Variants in TRIM24 observed in about 807,000 individuals in gnomAD.
TRIM24 encodes tripartite motif containing 24.
A neutral mutation model predicts 123.9 loss-of-function variants in TRIM24; 29 were observed. That is an observed-to-expected ratio of 0.23 (90% confidence interval 0.17 to 0.32). The LOEUF (loss-of-function observed/expected upper bound fraction) is 0.32, where lower values mean the gene tolerates loss of function less well. Among genes scored for constraint, TRIM24 ranks in the 10% least tolerant of loss-of-function variants. TRIM24 has a pLI of 1.00. For missense variants in TRIM24, 932 were observed against 1,295.3 expected, an observed-to-expected ratio of 0.72 and a Z score of 4.31; for synonymous variants, 456 against 461.1, an observed-to-expected ratio of 0.99 and a Z score of 0.14.
intron 5 of TRIM24, 54 bp downstream of exon 5, chr7:138,525,411 C>A: frequency 9.7e-7 from 1 of 1,026,302 alleles, no homozygotes; most frequent in Non-Finnish European, 1.4e-6. Context: ...AGTATATTCA[C>A]TTTTAGAACA....
Position 138,584,961 on chromosome 7 carries a change from C to T in TRIM24, c.*10C>T. On this transcript the variant is annotated 3_prime_UTR_variant, in exon 19 of 19. Transcript: ENST00000343526. ...CCAGTTGCTTAAATAATATGCAGCA[C>T]CACTAGCTTGTGCTGGTTTTTAGAT... 3 of 1,581,850 alleles carry T rather than the reference C, an allele frequency of 1.9e-6. No individual in the cohort carries two copies. Among genetic ancestry groups the T allele is most frequent in the Non-Finnish European group, 1.7e-6 (2 of 1,169,432 alleles).
chr7:138,494,498 T>C (rs1490061796), intron 1 of TRIM24, among the ~76,000 whole-genome samples: 1 of 151,788 alleles, frequency 6.6e-6, no homozygotes, highest in African/African-American at 2.4e-5. Context: ...CTTTGGGAGG[T>C]TGAGGCAGGA....
chr7:138,533,515 A>G (rs1423352790), intron 6 of TRIM24, among the ~76,000 whole-genome samples: 1 of 152,170 alleles, frequency 6.6e-6, no homozygotes, highest in Non-Finnish European at 1.5e-5. Context: ...GCTGGATTAC[A>G]TTTATTGATT....
chr7:138,544,669 A>G (rs754569794), intron 7 of TRIM24, among the ~76,000 whole-genome samples: 34 of 152,178 alleles, frequency 2.2e-4, no homozygotes, highest in Non-Finnish European at 4.6e-4. Context: ...ACCCTGGCCA[A>G]CACTTGTCTT....
chr7:138,551,547 G>A (rs1336290933), intron 8 of TRIM24, among the ~76,000 whole-genome samples: 4 of 152,126 alleles, frequency 2.6e-5, no homozygotes, highest in South Asian at 4.1e-4. Flanking sequence ...TTTCATTAAC[G>A]TATGTATATG....
intron 1 of TRIM24, among the ~76,000 whole-genome samples, chr7:138,484,159 G>C (rs1183622696): frequency 1.3e-5 from 2 of 151,766 alleles, no homozygotes. Flanking sequence ...GCCCAGGCTG[G>C]AGTGCAATGG....
At chr7:138,521,495 G>T (rs2116568881) in intron 4 of TRIM24, among the ~76,000 whole-genome samples, 1 of 152,240 alleles carries the variant, frequency 6.6e-6, no homozygotes, top group South Asian at 2.1e-4. Flanking sequence ...GAGTTGTGGG[G>T]ATGTGGAATA....
chr7:138,538,161 T>C (rs28694658), intron 6 of TRIM24, among the ~76,000 whole-genome samples: 2,792 of 152,320 alleles, frequency 0.018, 71 homozygotes, highest in African/African-American at 0.061. Flanking sequence ...TTAAGAAAAT[T>C]ACCACATACA....
At chr7:138,492,273 C>CAAAAAAAAAAAAA (rs34380067) in intron 1 of TRIM24, among the ~76,000 whole-genome samples, 5 of 60,004 alleles carry the variant, frequency 8.3e-5, no homozygotes, top group African/African-American at 3.8e-4. Flanking sequence ...ACTCTGTCTC[C>CAAAAAAAAAAAAA]AAAAAAAAAA....
chr7:138,538,520 G>A (rs62485260), intron 6 of TRIM24, 137 bp from the exon 7 acceptor site: 1 of 995,178 alleles, frequency 1.0e-6, no homozygotes, highest in Non-Finnish European at 1.5e-6. Flanking sequence ...ATACTAATAG[G>A]GAAAACAGAG....
In TRIM24 at chr7:138,468,573, G is replaced by A. The variant is rs369939596; in HGVS notation, c.364+7661G>A. Among the ~76,000 whole-genome samples, 18 of 151,806 alleles carry A rather than the reference G, an allele frequency of 1.2e-4. 1 individual carries two copies. The East Asian group carries it at 3.1e-3, about 26-fold the overall frequency. ...ATAGTTGTCTTACTTTTTTATCCCA[G>A]CTTTTAATTTTTGCTTTTGTTTAAT... On this transcript the variant is annotated intron_variant, in intron 1 of 18. Transcript: ENST00000343526.
intron 17 of TRIM24, among the ~76,000 whole-genome samples, chr7:138,583,134 A>C (rs1286960823): frequency 6.6e-6 from 1 of 152,240 alleles, no homozygotes; most frequent in Admixed American, 6.5e-5. Flanking sequence ...ACCCAGGACC[A>C]TGACACTGAG....
chr7:138,527,188 C>T (rs570065878), intron 5 of TRIM24, among the ~76,000 whole-genome samples: 17 of 152,280 alleles, frequency 1.1e-4, no homozygotes, highest in African/African-American at 4.1e-4. Flanking sequence ...GCTAGTACTT[C>T]ACTTTCATGA....
chr7:138,500,227 C>G (rs117529243), intron 1 of TRIM24, among the ~76,000 whole-genome samples: 1 of 152,244 alleles, frequency 6.6e-6, no homozygotes, highest in Non-Finnish European at 1.5e-5. Context: ...ATATTCACAT[C>G]TCAAAACCCA....
intron 12 of TRIM24, among the ~76,000 whole-genome samples, chr7:138,575,855 C>T (rs1404261219): frequency 6.6e-6 from 1 of 152,100 alleles, no homozygotes; most frequent in African/African-American, 2.4e-5. Flanking sequence ...ACCCATTGAT[C>T]TTTCTGTGTC....
rs1231119621 is a variant in TRIM24 at position 138,546,699 on chromosome 7, G to GTTT, written c.1144-4362_1144-4361insTTT. On this transcript the variant is annotated intron_variant, in intron 7 of 18. Coordinates refer to ENST00000343526, the MANE Select transcript of TRIM24 (RefSeq NM_015905.3). ...GGAATTTGGGTGAAAGGAATGTAGG[G>GTTT]TTCTTTTACTTTTCTGGCAGTGTTT... Among the ~76,000 whole-genome samples the GTTT allele has an allele frequency of 2.6e-5, 4 of 152,114 alleles. No individual in the cohort carries two copies. The East Asian group carries it at 7.7e-4, about 29-fold the overall frequency.
intron 1 of TRIM24, chr7:138,490,789 C>T: frequency 2.0e-6 from 1 of 492,176 alleles, no homozygotes; most frequent in Non-Finnish European, 4.0e-6. Flanking sequence ...ATGTCTTTTC[C>T]AGTGCTATCC....
At chr7:138,467,416 A>G (rs889668365) in intron 1 of TRIM24, among the ~76,000 whole-genome samples, 1 of 152,200 alleles carries the variant, frequency 6.6e-6, no homozygotes, top group Non-Finnish European at 1.5e-5. Context: ...ATCTCTGCTC[A>G]CTGCAACCTC....
intron 1 of TRIM24, among the ~76,000 whole-genome samples, chr7:138,500,839 C>T (rs916150431): frequency 6.6e-6 from 1 of 152,052 alleles, no homozygotes; most frequent in African/African-American, 2.4e-5. Context: ...TATGGTACAG[C>T]CTGTTGCTCC....
Sources: gnomAD v4.1 joint callset for allele counts (sites outside exome capture counted in the v4.1 genomes callset) on GRCh38, gnomAD v4.1.1 for gene constraint, MANE v1.5 for transcripts, NCBI Gene and HGNC (gene_info 2026-07-23, HGNC 2026-07-21) for gene names.